KDM2A: variants seen among roughly 807,000 people sequenced by gnomAD.
KDM2A encodes lysine demethylase 2A.
A neutral mutation model predicts 137.3 loss-of-function variants in KDM2A; 3 were observed. The ratio of observed to expected loss-of-function variants is 0.02; its 90% CI spans 0.01 to 0.06. The LOEUF (loss-of-function observed/expected upper bound fraction) is 0.06, where lower values mean the gene tolerates loss of function less well. Among genes scored for constraint, KDM2A ranks in the 10% least tolerant of loss-of-function variants. The pLI, the probability that KDM2A is intolerant of heterozygous loss-of-function variation, is 1.00. For missense variants in KDM2A, 738 were observed against 1,510.6 expected (o/e 0.49, Z 8.48); for synonymous variants, 512 against 541.5 (o/e 0.95, Z 0.76).
intron 2 of KDM2A, among the ~76,000 whole-genome samples, chr11:67,147,499 G>A (rs1045954646): frequency 6.7e-6 from 1 of 150,240 alleles, no homozygotes; most frequent in East Asian, 2.0e-4. Context: ...CCGAGATCGC[G>A]CCACTGCACT....
intron 10 of KDM2A, among the ~76,000 whole-genome samples, chr11:67,222,059 C>CT (rs11373238): frequency 0.71 from 77,959 of 110,406 alleles, 28,756 homozygotes; most frequent in South Asian, 0.91. Context: ...CTCTGTCATT[C>CT]TTTTTTTTTT....
At chr11:67,168,697 C>T (rs1856809635) in intron 2 of KDM2A, among the ~76,000 whole-genome samples, 1 of 148,932 alleles carries the variant, frequency 6.7e-6, no homozygotes, top group Non-Finnish European at 1.5e-5. Flanking sequence ...GTCCGTCTAT[C>T]CACATATGGC....
chr11:67,191,085 C>T (rs1490009764), intron 5 of KDM2A, among the ~76,000 whole-genome samples: 1 of 152,016 alleles, frequency 6.6e-6, no homozygotes, highest in Non-Finnish European at 1.5e-5. Flanking sequence ...GTTGCTGTCG[C>T]CAGGCTGGAA....
In KDM2A at chr11:67,231,718, A is replaced by C; in HGVS notation, c.1237A>C (p.Ser413Arg). The part of the protein sequence containing the change: ...DYDGLGKTCR[S>R]LPSLKKTLAG... ...TGATGGACTGGGCAAAACCTGCCGAAGTCTTCCAAGTCTGAAGAAAACTTT... is the reference window on the plus strand; with the variant it reads ...TGATGGACTGGGCAAAACCTGCCGACGTCTTCCAAGTCTGAAGAAAACTTT... The change falls in exon 12 of 21, where the codon AGT becomes CGT. Residue 413 changes from serine to arginine, a missense_variant. Ser to Arg is a moderately radical substitution (Grantham distance 110). Coordinates refer to ENST00000529006, the MANE Select transcript of KDM2A (RefSeq NM_012308.3). 1.2e-6 allele frequency: 2 copies of C among 1,614,012 alleles called. No homozygotes were observed. Among genetic ancestry groups the C allele is most frequent in the Non-Finnish European group, 1.7e-6 (2 of 1,179,884 alleles).
intron 2 of KDM2A, among the ~76,000 whole-genome samples, chr11:67,175,444 G>GCA (rs886876348): frequency 6.6e-6 from 1 of 152,228 alleles, no homozygotes; most frequent in African/African-American, 2.4e-5. Flanking sequence ...AAAAAAACCA[G>GCA]CACACACACA....
intron 2 of KDM2A, among the ~76,000 whole-genome samples, chr11:67,160,687 C>T (rs1465340128): frequency 7.9e-5 from 12 of 152,188 alleles, no homozygotes; most frequent in Non-Finnish European, 1.8e-4. Flanking sequence ...AGGAGAATCA[C>T]TTGAACCTGG....
At chr11:67,235,981 T>C (rs940670691) in intron 12 of KDM2A, among the ~76,000 whole-genome samples, 2 of 152,150 alleles carry the variant, frequency 1.3e-5, no homozygotes, top group Non-Finnish European at 2.9e-5. Flanking sequence ...AATAAAAAGG[T>C]AGGACATGTA....
intron 2 of KDM2A, among the ~76,000 whole-genome samples, chr11:67,160,215 T>C (rs1357105263): frequency 1.3e-5 from 2 of 152,216 alleles, no homozygotes; most frequent in Admixed American, 6.5e-5. Context: ...TGTTGTATTT[T>C]AGCAATTGCC....
chr11:67,218,589 A>T (rs1458583009), intron 9 of KDM2A, among the ~76,000 whole-genome samples: 1 of 151,566 alleles, frequency 6.6e-6, no homozygotes, highest in Admixed American at 6.6e-5. Context: ...TAGTATTAGT[A>T]TATTTTATTT....
intron 5 of KDM2A, among the ~76,000 whole-genome samples, chr11:67,198,759 G>GTTTGTTTTGTTTTGT (rs71056183): frequency 2.2e-4 from 33 of 149,324 alleles, no homozygotes; most frequent in African/African-American, 7.5e-4. Flanking sequence ...GTGATCAGTA[G>GTTTGTTTTGTTTTGT]TTTGTTTTGT....
chr11:67,230,668 T>C (rs1446946094), intron 11 of KDM2A, among the ~76,000 whole-genome samples: 1 of 151,654 alleles, frequency 6.6e-6, no homozygotes, highest in Non-Finnish European at 1.5e-5. Flanking sequence ...ACCCACATAA[T>C]AATCATACAC....
chr11:67,138,410 T>C (rs533906478), intron 2 of KDM2A, among the ~76,000 whole-genome samples: 1 of 152,280 alleles, frequency 6.6e-6, no homozygotes, highest in East Asian at 1.9e-4. Context: ...ACCTACAAGG[T>C]TCTTAGTTCT....
intron 6 of KDM2A, among the ~76,000 whole-genome samples, chr11:67,209,788 C>T (rs934343185): frequency 2.6e-5 from 4 of 152,256 alleles, no homozygotes; most frequent in South Asian, 2.1e-4. Context: ...TGGCCACACA[C>T]GTTGGCTCAT....
intron 2 of KDM2A, among the ~76,000 whole-genome samples, chr11:67,146,449 T>C (rs148377589): frequency 4.9e-4 from 74 of 152,254 alleles, no homozygotes; most frequent in African/African-American, 1.7e-3. Flanking sequence ...TTAAAACATT[T>C]AATGAATTCA....
At chr11:67,195,798 TTA>T (rs1465460182) in intron 5 of KDM2A, 8 of 199,722 alleles carry the variant, frequency 4.0e-5, no homozygotes, top group African/African-American at 1.9e-4. Flanking sequence ...TTGTCCTAAT[TTA>T]GTTAGAATTG....
At chr11:67,174,709 C>T (rs551142045) in intron 2 of KDM2A, among the ~76,000 whole-genome samples, 1 of 152,238 alleles carries the variant, frequency 6.6e-6, no homozygotes, top group African/African-American at 2.4e-5. Context: ...TTTTTTAAGA[C>T]ATTTAAAATT....
intron 8 of KDM2A, chr11:67,217,484 C>T (rs549446582): frequency 1.0e-4 from 50 of 484,206 alleles, no homozygotes; most frequent in African/African-American, 9.2e-4. Flanking sequence ...CCTCTTCTCT[C>T]CGAGTCCTGG....
At chr11:67,206,222 G>A (rs1310113425) in intron 5 of KDM2A, among the ~76,000 whole-genome samples, 1 of 152,230 alleles carries the variant, frequency 6.6e-6, no homozygotes, top group African/African-American at 2.4e-5. Context: ...GCTGAGGTCA[G>A]GAGTTTGAGA....
At chr11:67,234,852 C>T (rs1858819687) in intron 12 of KDM2A, among the ~76,000 whole-genome samples, 3 of 151,906 alleles carry the variant, frequency 2.0e-5, no homozygotes, top group African/African-American at 4.8e-5. Flanking sequence ...GACCTTGTCT[C>T]AAAAAGAAAG....
Sources: allele counts gnomAD v4.1 joint callset (sites outside exome capture counted in the v4.1 genomes callset), GRCh38; gene constraint gnomAD v4.1.1; transcripts MANE v1.5; gene names NCBI Gene and HGNC (gene_info 2026-07-23, HGNC 2026-07-21).